Variants in SMOC1 observed in about 807,000 individuals in gnomAD.
SMOC1 encodes SPARC related modular calcium binding 1.
A neutral mutation model predicts 56.3 loss-of-function variants in SMOC1; 22 were observed. The ratio of observed to expected loss-of-function variants is 0.39; its 90% CI spans 0.28 to 0.56. SMOC1 has a LOEUF of 0.56. SMOC1 is among the 20% of genes least tolerant of loss of function. The pLI, the probability that SMOC1 is intolerant of heterozygous loss-of-function variation, is 0.61. For missense variants in SMOC1, 509 were observed against 565.4 expected (o/e 0.90, Z 1.01); for synonymous variants, 193 against 215.0 (o/e 0.90, Z 0.89).
At chr14:69,957,482 C>T (rs904326366) in intron 3 of SMOC1, among the ~76,000 whole-genome samples, 6 of 152,198 alleles carry the variant, frequency 3.9e-5, no homozygotes, top group Non-Finnish European at 8.8e-5. Context: ...ACAAGTTGTA[C>T]TCAAGCCTGC....
rs141309149 is a variant in SMOC1, at chr14:70,030,091, G to C, written c.1292-151G>C. 3.9e-4 allele frequency: 452 copies of C among 1,151,804 alleles called. 2 individuals carry two copies. The African/African-American group carries it at 5.2e-3, about 13-fold the overall frequency. 71.3% of individuals were successfully genotyped at this position (1,151,804 alleles called of 1,614,324 possible). On this transcript the variant is annotated intron_variant, in intron 11 of 11. Transcript: ENST00000361956. ...GTCCAGGCAACCTGTGCCCCACCTA[G>C]CCTCATAGAGGACAGCAGGTGGAAA...
rs772847556 is a variant in SMOC1, at chr14:69,978,016, A to G, written c.526+51A>G. 2.0e-6 allele frequency: 3 copies of G among 1,503,322 alleles called. No homozygotes were observed. The Admixed American group carries it at 5.0e-5, about 25-fold the overall frequency. 93.1% of individuals were successfully genotyped at this position (1,503,322 alleles called of 1,614,324 possible). A position where few individuals can be genotyped will look rare whatever the true frequency, so the allele number is the denominator to read the frequency against. On this transcript the variant is annotated intron_variant, in intron 5 of 11. Transcript: ENST00000361956. ...AAATGTTTGCTTCCAAAGGTGGTCCAAGCAGGATTTCTTAGATGAGATAGA... is the reference window on the plus strand; with the variant it reads ...AAATGTTTGCTTCCAAAGGTGGTCCGAGCAGGATTTCTTAGATGAGATAGA...
intron 1 of SMOC1, among the ~76,000 whole-genome samples, chr14:69,922,641 G>T (rs1442199722): frequency 6.6e-6 from 1 of 152,194 alleles, no homozygotes; most frequent in Non-Finnish European, 1.5e-5. Context: ...CCTAGTGAAT[G>T]ATAACCTGTA....
intron 1 of SMOC1, among the ~76,000 whole-genome samples, chr14:69,938,394 A>T (rs1375663752): frequency 3.9e-5 from 6 of 152,150 alleles, no homozygotes; most frequent in Non-Finnish European, 1.5e-5. Context: ...GAGTGGATAA[A>T]TATTTTCTAA....
At chr14:70,013,313 G>A in intron 9 of SMOC1, 73 bp from the exon 10 acceptor site, 1 of 1,338,178 alleles carries the variant, frequency 7.5e-7, no homozygotes, top group Non-Finnish European at 1.1e-6. Context: ...GTTTAGGAAA[G>A]GATGGTAGTT....
chr14:70,013,338 C>T (rs1885401712), intron 9 of SMOC1, 48 bp from the exon 10 acceptor site: 1 of 1,526,472 alleles, frequency 6.6e-7, no homozygotes, highest in Non-Finnish European at 9.1e-7. Context: ...AAGCTGTTGA[C>T]TTGATTATTA....
chr14:69,993,063 G>T (rs1884619683), intron 6 of SMOC1, among the ~76,000 whole-genome samples: 1 of 152,206 alleles, frequency 6.6e-6, no homozygotes, highest in Non-Finnish European at 1.5e-5. Flanking sequence ...GTGGGGAGGA[G>T]TCTGAGTGTT....
chr14:69,970,131 G>C (rs1009977493), intron 3 of SMOC1, among the ~76,000 whole-genome samples: 2 of 152,144 alleles, frequency 1.3e-5, no homozygotes, highest in Admixed American at 6.5e-5. Context: ...AGGCGCCAAT[G>C]CTACTCCAGA....
At chr14:69,948,396 A>G (rs1040743440) in intron 1 of SMOC1, among the ~76,000 whole-genome samples, 13 of 152,154 alleles carry the variant, frequency 8.5e-5, no homozygotes, top group African/African-American at 3.1e-4. Context: ...TGCTCTTCTG[A>G]AGCTGAGAAT....
intron 1 of SMOC1, among the ~76,000 whole-genome samples, chr14:69,930,601 G>C (rs2139390508): frequency 6.6e-6 from 1 of 152,286 alleles, no homozygotes; most frequent in Non-Finnish European, 1.5e-5. Flanking sequence ...AGGAGTAGGA[G>C]GTCTGAGGAA....
At position 69,933,632 on chromosome 14, in the gene SMOC1, C is replaced by T. The variant is rs193062146; in HGVS notation, c.100-18506C>T. Among the ~76,000 whole-genome samples, 6 of 152,124 alleles carry T rather than the reference C, an allele frequency of 3.9e-5. 1 individual carries two copies. In the South Asian group the frequency reaches 8.3e-4, roughly 21 times the overall value. On this transcript the variant is annotated intron_variant, in intron 1 of 11. Transcript: ENST00000361956. ...GCAACCTGCGCCTCCTGGGTTCAAG[C>T]GATTCTCATGTCTCAGCTGGGACTA...
chr14:69,910,598 ATT>A (rs35582659), intron 1 of SMOC1, among the ~76,000 whole-genome samples: 195 of 148,186 alleles, frequency 1.3e-3, no homozygotes, highest in Admixed American at 1.5e-3. Flanking sequence ...TGTTTGAAGG[ATT>A]TTTTTTTTTT....
chr14:69,899,817 C>T (rs779387333), intron 1 of SMOC1, among the ~76,000 whole-genome samples: 3 of 152,170 alleles, frequency 2.0e-5, no homozygotes, highest in Admixed American at 6.5e-5. Context: ...GGCTTTCCTA[C>T]CTAAACTGTT....
intron 3 of SMOC1, among the ~76,000 whole-genome samples, chr14:69,974,648 C>A (rs552114209): frequency 1.3e-5 from 2 of 151,896 alleles, no homozygotes; most frequent in Non-Finnish European, 2.9e-5. Context: ...TTAGGAACTC[C>A]AGATTGAAAG....
At chr14:69,954,185 A>T (rs1181262217) in intron 3 of SMOC1, among the ~76,000 whole-genome samples, 2 of 151,642 alleles carry the variant, frequency 1.3e-5, no homozygotes, top group African/African-American at 4.9e-5. Flanking sequence ...TTTTTTGGAG[A>T]CAGGGTCTCA....
intron 1 of SMOC1, among the ~76,000 whole-genome samples, chr14:69,943,682 C>A (rs939620276): frequency 1.1e-4 from 17 of 152,204 alleles, no homozygotes; most frequent in East Asian, 5.8e-4. Context: ...GCTTTCCCCC[C>A]CCTTTCAATA....
chr14:70,010,732 C>A (rs1885303647), intron 7 of SMOC1, 22 bp from the exon 8 acceptor site: 2 of 1,613,374 alleles, frequency 1.2e-6, no homozygotes, highest in South Asian at 2.2e-5. Flanking sequence ...ATAGTCACCA[C>A]AGGCTGTGTC....
At chr14:69,894,883 A>C (rs957232579) in intron 1 of SMOC1, among the ~76,000 whole-genome samples, 2 of 152,262 alleles carry the variant, frequency 1.3e-5, no homozygotes, top group Non-Finnish European at 2.9e-5. Context: ...CAGAAAGCCC[A>C]AAATAAGGAT....
chr14:70,011,061 T>C (rs1430924240), intron 8 of SMOC1, 115 bp downstream of exon 8: 2 of 1,186,560 alleles, frequency 1.7e-6, no homozygotes, highest in Non-Finnish European at 2.4e-6. Context: ...GGGAGAGCCA[T>C]GTTTTCAATG....
Sources: gnomAD v4.1 joint callset for allele counts (sites outside exome capture counted in the v4.1 genomes callset) on GRCh38, gnomAD v4.1.1 for gene constraint, MANE v1.5 for transcripts, NCBI Gene and HGNC (gene_info 2026-07-23, HGNC 2026-07-21) for gene names.